ITSN1: variants seen among roughly 807,000 people sequenced by gnomAD.
The protein encoded by ITSN1 is intersectin 1.
A neutral mutation model predicts 239.8 loss-of-function variants in ITSN1; 58 were observed. The observed-to-expected ratio is 0.24, with a 90% CI of 0.20 to 0.30. The LOEUF (loss-of-function observed/expected upper bound fraction) is 0.30. ITSN1 is among the 10% of genes least tolerant of loss of function. The pLI is 1.00. For synonymous variants in ITSN1, 780 were observed against 770.8 expected, an observed-to-expected ratio of 1.01 and a Z score of -0.20; for missense variants, 1,558 against 2,103.3, an observed-to-expected ratio of 0.74 and a Z score of 5.07.
At chr21:33,768,609 A>G (rs1205312500) in intron 11 of ITSN1, among the ~76,000 whole-genome samples, 1 of 152,168 alleles carries the variant, frequency 6.6e-6, no homozygotes, top group Admixed American at 6.6e-5. Flanking sequence ...ACTCATTTAC[A>G]ATGATAAATC....
rs1164673991 is a variant in ITSN1, at chr21:33,880,143, G to T, written c.4342-2100G>T. On this transcript the variant is annotated intron_variant, in intron 34 of 39. Coordinates refer to ENST00000381318, the MANE Select transcript of ITSN1 (RefSeq NM_003024.3). ...TGTTGACTTCTGTCTCCTGACCTAG[G>T]ATCACGGTGTGGACCATGCGTGGCC... 2.6e-5 allele frequency among the ~76,000 whole-genome samples: 4 copies of T among 152,232 alleles called. No homozygotes were observed. The East Asian group carries it at 7.7e-4, about 29-fold the overall frequency.
rs567838923 is a variant in ITSN1 at position 33,676,708 on chromosome 21, AG to A, written c.-33+33996del. Among the ~76,000 whole-genome samples the A allele has an allele frequency of 4.6e-3, 696 of 152,358 alleles. 4 individuals carry two copies. The highest frequency in any genetic ancestry group is 7.2e-3 in the Non-Finnish European group (489 of 68,034). On this transcript the variant is annotated intron_variant, in intron 1 of 39. Coordinates refer to ENST00000381318, the MANE Select transcript of ITSN1 (RefSeq NM_003024.3). ...CAAATTTAGGTATAAAGTTGGAAAA[AG>A]CCACTAAGTGTCACACTGTTCTGAG...
In ITSN1 at chr21:33,888,167, C is replaced by T. The variant is rs762442834; in HGVS notation, c.5033C>T (p.Thr1678Met). ...CTCTTTTCAGATTTTTTGGGTCGGA[C>T]GGAGATCCGTGTGGCGGACATCAAG... ...QFSPDDFLGR[T>M]EIRVADIKKD... Residue 1678 changes from threonine to methionine, a missense_variant, in exon 40 of 40, where the codon ACG (threonine) becomes ATG (methionine). Physicochemically the swap from Thr to Met is moderately conservative, Grantham distance 81. This residue lies in a region of ITSN1 where 576 missense variants were observed against 893.3 expected (regional missense o/e 0.64). Transcript: ENST00000381318. The T allele has an allele frequency of 3.1e-6, 5 of 1,613,844 alleles. No individual in the cohort carries two copies. In the Admixed American group the frequency reaches 5.0e-5, roughly 16 times the overall value.
intron 21 of ITSN1, 80 bp downstream of exon 21, chr21:33,811,302 A>G (rs2072899292): frequency 2.2e-6 from 3 of 1,357,426 alleles, no homozygotes; most frequent in African/African-American, 1.5e-5. Flanking sequence ...AAGTATTTTC[A>G]TAGTCTTGGA....
chr21:33,652,334 T>C (rs188654173), intron 1 of ITSN1, among the ~76,000 whole-genome samples: 17 of 152,228 alleles, frequency 1.1e-4, no homozygotes, highest in Admixed American at 2.6e-4. Context: ...GGCCACACTT[T>C]TTATTGTTAA....
chr21:33,837,912 C>G, intron 29 of ITSN1: 1 of 985,770 alleles, frequency 1.0e-6, no homozygotes. Flanking sequence ...TATCCACAGT[C>G]TCTTTTTAGT....
intron 21 of ITSN1, among the ~76,000 whole-genome samples, chr21:33,811,669 C>T (rs1269431779): frequency 6.6e-6 from 1 of 152,178 alleles, no homozygotes; most frequent in African/African-American, 2.4e-5. Flanking sequence ...TCCTTTAAAG[C>T]TTTCCACTTT....
intron 18 of ITSN1, among the ~76,000 whole-genome samples, chr21:33,798,350 T>C (rs1457218639): frequency 6.6e-6 from 1 of 151,910 alleles, no homozygotes; most frequent in Non-Finnish European, 1.5e-5. Context: ...TCCTCCCACC[T>C]TGGCCTTTCA....
intron 1 of ITSN1, among the ~76,000 whole-genome samples, chr21:33,664,805 T>A (rs1289499037): frequency 6.6e-6 from 1 of 152,186 alleles, no homozygotes; most frequent in African/African-American, 2.4e-5. Context: ...ACGAATGAAG[T>A]TATTATATGT....
intron 1 of ITSN1, among the ~76,000 whole-genome samples, chr21:33,649,942 C>T (rs910011087): frequency 1.3e-5 from 2 of 151,196 alleles, no homozygotes; most frequent in Non-Finnish European, 2.9e-5. Context: ...CTTCAATTCC[C>T]TGCTTGAACC....
intron 1 of ITSN1, among the ~76,000 whole-genome samples, chr21:33,718,001 G>A (rs1482345115): frequency 1.3e-5 from 2 of 152,136 alleles, no homozygotes; most frequent in Non-Finnish European, 2.9e-5. Context: ...ACAGATGTTA[G>A]TGTAATATGC....
chr21:33,806,742 TAAATG>T (rs1474069356), intron 20 of ITSN1, among the ~76,000 whole-genome samples: 1 of 152,256 alleles, frequency 6.6e-6, no homozygotes, highest in Admixed American at 6.5e-5. Flanking sequence ...GTGTGCCTGA[TAAATG>T]AAATTGTATT....
intron 1 of ITSN1, among the ~76,000 whole-genome samples, chr21:33,693,423 C>T (rs1171682789): frequency 6.6e-6 from 1 of 150,748 alleles, no homozygotes; most frequent in Non-Finnish European, 1.5e-5. Context: ...ATGGTGTGAT[C>T]TCGGCTCACT....
At chr21:33,712,188 A>ATT (rs372298869) in intron 1 of ITSN1, among the ~76,000 whole-genome samples, 2 of 145,956 alleles carry the variant, frequency 1.4e-5, no homozygotes, top group African/African-American at 2.5e-5. Flanking sequence ...GTTGATTGCA[A>ATT]TTTTTTTTTT....
chr21:33,776,544 CAAAAAAAA>C (rs34789155), intron 14 of ITSN1, among the ~76,000 whole-genome samples: 1 of 88,816 alleles, frequency 1.1e-5, no homozygotes, highest in African/African-American at 3.7e-5. Flanking sequence ...AGACCCTGTT[CAAAAAAAA>C]AAAAAAAAAG....
At chr21:33,830,791 G>T (rs1453130445) in intron 27 of ITSN1, among the ~76,000 whole-genome samples, 1 of 150,936 alleles carries the variant, frequency 6.6e-6, no homozygotes, top group South Asian at 2.1e-4. Flanking sequence ...TTATATAAGA[G>T]AATATTCTTA....
At chr21:33,687,637 C>T (rs150138686) in intron 1 of ITSN1, among the ~76,000 whole-genome samples, 2 of 152,210 alleles carry the variant, frequency 1.3e-5, no homozygotes, top group East Asian at 1.9e-4. Flanking sequence ...AATGAACCAA[C>T]GTTCAGGAAC....
chr21:33,734,893 TC>T, intron 4 of ITSN1, 150 bp from the exon 5 acceptor site: 1 of 534,124 alleles, frequency 1.9e-6, no homozygotes, highest in Non-Finnish European at 3.2e-6. Flanking sequence ...TACAGGCTAT[TC>T]CCCATAGTTT....
chr21:33,802,769 T>TG (rs2072104534), intron 20 of ITSN1, among the ~76,000 whole-genome samples: 1 of 152,182 alleles, frequency 6.6e-6, no homozygotes, highest in Non-Finnish European at 1.5e-5. Context: ...GATAAAATTC[T>TG]GGGAAAAAAA....
Sources: allele counts gnomAD v4.1 joint callset (sites outside exome capture counted in the v4.1 genomes callset), GRCh38; gene constraint gnomAD v4.1.1; regional missense constraint gnomAD v4.1.1; transcripts MANE v1.5; gene names NCBI Gene and HGNC (gene_info 2026-07-23, HGNC 2026-07-21).